The following TBC1D5 variants were observed in gnomAD, a reference collection of about 807,000 sequenced individuals.
TBC1D5 encodes TBC1 domain family member 5, also known as TBC1 domain family, member 5.
TBC1D5 carries 75 observed loss-of-function variants against 100.3 expected under a neutral mutation model. That is an observed-to-expected ratio of 0.75 (90% CI 0.62 to 0.91). The LOEUF (loss-of-function observed/expected upper bound fraction) is 0.91. Among genes scored for constraint, TBC1D5 ranks in the 40% least tolerant of loss-of-function variants. The probability of loss-of-function intolerance (pLI) is 0.00; values close to 1 mark genes in which losing one functional copy is unlikely to be tolerated. For synonymous variants in TBC1D5, 323 were observed against 325.6 expected, an observed-to-expected ratio of 0.99 and a Z score of 0.09; for missense variants, 910 against 942.4, an observed-to-expected ratio of 0.97 and a Z score of 0.45.
Position 17,691,686 on chromosome 3 carries a change from G to A in TBC1D5, c.-101+47657C>T, listed in dbSNP as rs566865556. On this transcript the variant is annotated intron_variant, in intron 1 of 21. Transcript: ENST00000253692. ...ACAAAAATTAGTTGGGCATGGTGGCGCATGCCTGTAGTCCCAGCTATTCAG... is the reference window on the plus strand; with the variant it reads ...ACAAAAATTAGTTGGGCATGGTGGCACATGCCTGTAGTCCCAGCTATTCAG... Among the ~76,000 whole-genome samples the A allele has an allele frequency of 2.9e-4, 44 of 152,158 alleles. 1 individual carries two copies. In the South Asian group the frequency reaches 3.7e-3, roughly 13 times the overall value.
chr3:17,162,409 T>G (rs1226239166), intron 21 of TBC1D5, among the ~76,000 whole-genome samples: 3 of 152,196 alleles, frequency 2.0e-5, no homozygotes, highest in Admixed American at 6.5e-5. Context: ...CCTCTCTAAA[T>G]CTCATGTCCT....
chr3:17,289,227 T>C (rs1390417499), intron 15 of TBC1D5, among the ~76,000 whole-genome samples: 4 of 152,092 alleles, frequency 2.6e-5, no homozygotes, highest in Non-Finnish European at 5.9e-5. Flanking sequence ...CCCCCTCCCA[T>C]TGGCAGCTGA....
At chr3:17,650,092 A>C (rs2065394652) in intron 1 of TBC1D5, among the ~76,000 whole-genome samples, 1 of 152,040 alleles carries the variant, frequency 6.6e-6, no homozygotes, top group Non-Finnish European at 1.5e-5. Context: ...GAGTTAAACA[A>C]TGAAAACACA....
chr3:17,363,522 C>G (rs528622163), intron 13 of TBC1D5, among the ~76,000 whole-genome samples: 1 of 151,728 alleles, frequency 6.6e-6, no homozygotes, highest in East Asian at 1.9e-4. Context: ...AGGTGTGCAC[C>G]ACCATACCTG....
intron 13 of TBC1D5, among the ~76,000 whole-genome samples, chr3:17,341,861 A>C (rs1380292167): frequency 3.3e-5 from 5 of 152,026 alleles, no homozygotes; most frequent in Non-Finnish European, 5.9e-5. Context: ...TCCCACCCCA[A>C]CTTTTATCTT....
At chr3:17,194,750 T>C (rs947766387) in intron 18 of TBC1D5, among the ~76,000 whole-genome samples, 1 of 152,218 alleles carries the variant, frequency 6.6e-6, no homozygotes, top group African/African-American at 2.4e-5. Context: ...TATTAAGAAC[T>C]TTTAGCCTTT....
intron 1 of TBC1D5, among the ~76,000 whole-genome samples, chr3:17,686,648 A>ATT (rs1224240415): frequency 6.6e-6 from 1 of 152,206 alleles, no homozygotes; most frequent in Admixed American, 6.5e-5. Flanking sequence ...CAGTGGGAAG[A>ATT]TTCATTAAGC....
intron 2 of TBC1D5, among the ~76,000 whole-genome samples, chr3:17,560,636 G>T (rs750834475): frequency 6.8e-6 from 1 of 146,992 alleles, no homozygotes; most frequent in African/African-American, 2.5e-5. Flanking sequence ...AAAAGGGGGG[G>T]TGGGGGGCGG....
At chr3:17,385,692 G>C (rs1316027345) in intron 8 of TBC1D5, among the ~76,000 whole-genome samples, 1 of 147,216 alleles carries the variant, frequency 6.8e-6, no homozygotes, top group Non-Finnish European at 1.5e-5. Context: ...TTGGTTTTTT[G>C]TTTTTTTTTT....
At chr3:17,300,422 C>T (rs2082705601) in intron 14 of TBC1D5, among the ~76,000 whole-genome samples, 1 of 152,116 alleles carries the variant, frequency 6.6e-6, no homozygotes, top group South Asian at 2.1e-4. Context: ...TGACATTGAA[C>T]ATGCTGTTAA....
chr3:17,501,287 T>G (rs1435795015), intron 3 of TBC1D5, among the ~76,000 whole-genome samples: 1 of 149,522 alleles, frequency 6.7e-6, no homozygotes, highest in Non-Finnish European at 1.5e-5. Flanking sequence ...AGCATTGAGC[T>G]GCTTTATTGG....
intron 8 of TBC1D5, among the ~76,000 whole-genome samples, chr3:17,385,122 C>T (rs2093098940): frequency 6.6e-6 from 1 of 152,024 alleles, no homozygotes; most frequent in South Asian, 2.1e-4. Flanking sequence ...ACTGCCTCAT[C>T]TATTAAGCAG....
chr3:17,383,676 A>G (rs1266118174), intron 9 of TBC1D5, among the ~76,000 whole-genome samples: 1 of 152,088 alleles, frequency 6.6e-6, no homozygotes, highest in Non-Finnish European at 1.5e-5. Context: ...AGTTGAAAGA[A>G]AAGATTGAAC....
chr3:17,198,386 G>A (rs1254954470), intron 18 of TBC1D5, among the ~76,000 whole-genome samples: 7 of 152,244 alleles, frequency 4.6e-5, no homozygotes, highest in South Asian at 4.2e-4. Flanking sequence ...TGTTGAAAAC[G>A]CCTTTAAGAT....
At chr3:17,574,682 C>T (rs978331484) in intron 2 of TBC1D5, among the ~76,000 whole-genome samples, 12 of 152,036 alleles carry the variant, frequency 7.9e-5, no homozygotes, top group Non-Finnish European at 1.3e-4. Flanking sequence ...CATCTATCTC[C>T]GCAAGTATAA....
chr3:17,378,261 T>C (rs908591975), intron 9 of TBC1D5, among the ~76,000 whole-genome samples: 4 of 151,856 alleles, frequency 2.6e-5, no homozygotes, highest in Admixed American at 2.6e-4. Context: ...TCCTTGGAAG[T>C]AGAATTTCAG....
At chr3:17,257,242 C>T (rs1376442535) in intron 16 of TBC1D5, among the ~76,000 whole-genome samples, 1 of 151,986 alleles carries the variant, frequency 6.6e-6, no homozygotes, top group Admixed American at 6.5e-5. Flanking sequence ...AAGAAAAAGA[C>T]TAACATACTT....
chr3:17,415,093 C>T (rs111439978), intron 4 of TBC1D5, among the ~76,000 whole-genome samples: 2 of 152,106 alleles, frequency 1.3e-5, no homozygotes, highest in African/African-American at 4.8e-5. Context: ...TTCACAGGAA[C>T]ACAAAGAACT....
chr3:17,206,085 C>T (rs1261237628), intron 18 of TBC1D5, among the ~76,000 whole-genome samples: 1 of 152,110 alleles, frequency 6.6e-6, no homozygotes, highest in African/African-American at 2.4e-5. Flanking sequence ...TTGTTGACTA[C>T]CTGCTCAATA....
Sources: allele counts gnomAD v4.1 joint callset (sites outside exome capture counted in the v4.1 genomes callset), GRCh38; gene constraint gnomAD v4.1.1; transcripts MANE v1.5; gene names NCBI Gene and HGNC (gene_info 2026-07-23, HGNC 2026-07-21).